The following ITGAV variants were observed in gnomAD, a reference collection of about 807,000 sequenced individuals.
The protein encoded by ITGAV is integrin subunit alpha V.
ITGAV carries 76 observed loss-of-function variants against 143.8 expected under a neutral mutation model. The ratio of observed to expected loss-of-function variants is 0.53; its 90% CI spans 0.44 to 0.64. ITGAV has a LOEUF of 0.64. Ranked by LOEUF, ITGAV falls within the 30% of genes least tolerant of loss-of-function variation. The pLI, the probability that ITGAV is intolerant of heterozygous loss-of-function variation, is 0.00. For synonymous variants in ITGAV, 453 were observed against 446.7 expected, an observed-to-expected ratio of 1.01 and a Z score of -0.18; for missense variants, 1,193 against 1,274.7, an observed-to-expected ratio of 0.94 and a Z score of 0.98.
chr2:186,613,551 A>G (rs1422210560), intron 2 of ITGAV, among the ~76,000 whole-genome samples: 1 of 152,034 alleles, frequency 6.6e-6, no homozygotes, highest in Non-Finnish European at 1.5e-5. Flanking sequence ...ATGTCCATGG[A>G]TTATGGTTGC....
chr2:186,630,658 T>C, intron 4 of ITGAV, 139 bp from the exon 5 acceptor site: 1 of 582,636 alleles, frequency 1.7e-6, no homozygotes. Context: ...AATGTGGTAA[T>C]AACTAAGTGC....
In ITGAV at chr2:186,590,534, G is replaced by A; in HGVS notation, c.185+11G>A. On this transcript the variant is annotated intron_variant, in intron 1 of 29. Transcript: ENST00000261023. The stretch of plus-strand genomic sequence containing the variant: ...GCCCAGCGCGTCTTCGTAAGTGGCC[G>A]CACTTGGAACTGGAGCCGGCCCCCT... The A allele has an allele frequency of 1.2e-6, 2 of 1,608,670 alleles. No homozygotes were observed. The highest frequency in any genetic ancestry group is 1.7e-6 in the Non-Finnish European group (2 of 1,177,988).
At chr2:186,616,560 G>A (rs1188251384) in intron 2 of ITGAV, among the ~76,000 whole-genome samples, 2 of 152,116 alleles carry the variant, frequency 1.3e-5, no homozygotes, top group East Asian at 1.9e-4. Flanking sequence ...TTACAGGCGC[G>A]AGCCACCGCG....
At chr2:186,647,844 A>G (rs1044420933) in intron 13 of ITGAV, among the ~76,000 whole-genome samples, 12 of 152,200 alleles carry the variant, frequency 7.9e-5, no homozygotes, top group Non-Finnish European at 1.0e-4. Context: ...TATGAGCTCA[A>G]TATACAAGTG....
intron 15 of ITGAV, among the ~76,000 whole-genome samples, chr2:186,652,582 G>C (rs1335056679): frequency 6.6e-6 from 1 of 152,066 alleles, no homozygotes; most frequent in Non-Finnish European, 1.5e-5. Flanking sequence ...CTATAAATTA[G>C]TATGAAATTA....
rs1006679053 is a variant in ITGAV at position 186,679,520 on chromosome 2, C to G, written c.*2228C>G. 6.6e-6 allele frequency: 1 copy of G among 151,514 alleles called. No individual in the cohort carries two copies. The highest frequency in any genetic ancestry group is 1.9e-4 in the East Asian group (1 of 5,186). The allele number at this position is 151,514 out of a possible 1,614,324, so 9.4% of individuals were successfully genotyped here. ...ATTTTTTTTTATCATGATTAAATAT[C>G]AAAAAATTGCCCTATGAAAACTTTA... On this transcript the variant is annotated 3_prime_UTR_variant, in exon 30 of 30. Transcript: ENST00000261023.
rs1355284854 is a variant in ITGAV at position 186,630,965 on chromosome 2, T to C, written c.585+107T>C. The stretch of plus-strand genomic sequence containing the variant: ...TCAACTCCTTTACAGCTGTTAGCTC[T>C]TTAATGAAAACAGTTAATAAAACGA... On this transcript the variant is annotated intron_variant, in intron 5 of 29. Transcript: ENST00000261023. 8.8e-6 allele frequency: 5 copies of C among 565,908 alleles called. No homozygotes were observed. The East Asian group carries it at 1.1e-4, about 12-fold the overall frequency. The allele number at this position is 565,908 out of a possible 1,614,324, so 35.1% of individuals were successfully genotyped here.
chr2:186,633,440 T>C, intron 6 of ITGAV, 66 bp downstream of exon 6: 1 of 834,862 alleles, frequency 1.2e-6, no homozygotes, highest in Non-Finnish European at 2.0e-6. Flanking sequence ...GCTAATTGTA[T>C]GCCTATGACA....
intron 1 of ITGAV, among the ~76,000 whole-genome samples, chr2:186,591,735 T>A (rs971586992): frequency 9.2e-5 from 14 of 152,216 alleles, no homozygotes; most frequent in African/African-American, 3.4e-4. Flanking sequence ...GGTAACAACC[T>A]TTGCAGCAAT....
chr2:186,670,563 A>T (rs931139329), intron 26 of ITGAV, among the ~76,000 whole-genome samples: 11 of 152,156 alleles, frequency 7.2e-5, no homozygotes, highest in Non-Finnish European at 1.5e-4. Flanking sequence ...AGCCTCCTAA[A>T]GTGCTGGGAT....
intron 20 of ITGAV, among the ~76,000 whole-genome samples, chr2:186,664,853 C>T (rs536333372): frequency 6.6e-6 from 1 of 152,092 alleles, no homozygotes; most frequent in Non-Finnish European, 1.5e-5. Flanking sequence ...AAGCTAAGTG[C>T]CTGGAAACAA....
intron 14 of ITGAV, among the ~76,000 whole-genome samples, chr2:186,650,481 T>C (rs947218249): frequency 1.3e-5 from 2 of 152,020 alleles, no homozygotes; most frequent in Non-Finnish European, 2.9e-5. Flanking sequence ...ATTACTGTTA[T>C]GAGCCACTGT....
At chr2:186,617,097 C>T (rs1055141629) in intron 2 of ITGAV, among the ~76,000 whole-genome samples, 3 of 150,782 alleles carry the variant, frequency 2.0e-5, no homozygotes, top group Non-Finnish European at 4.4e-5. Flanking sequence ...TCATAAAAGT[C>T]ATAGTGATAA....
intron 23 of ITGAV, 125 bp downstream of exon 23, chr2:186,667,355 G>A: frequency 3.0e-6 from 2 of 666,302 alleles, no homozygotes; most frequent in South Asian, 4.3e-5. Flanking sequence ...TAGGGCATTA[G>A]CTTCTGTAGA....
chr2:186,613,317 G>T (rs573914843), intron 2 of ITGAV, among the ~76,000 whole-genome samples: 45 of 152,186 alleles, frequency 3.0e-4, no homozygotes, highest in African/African-American at 9.4e-4. Flanking sequence ...CAGGACCACT[G>T]GAATTGCTCA....
intron 2 of ITGAV, among the ~76,000 whole-genome samples, chr2:186,603,530 G>T (rs903660308): frequency 2.0e-5 from 3 of 151,936 alleles, no homozygotes; most frequent in Non-Finnish European, 2.9e-5. Context: ...CTAATACTTG[G>T]AAAACTCCAA....
Position 186,653,135 on chromosome 2 carries a change from C to T in ITGAV, c.1505+1046C>T, listed in dbSNP as rs569408747. On this transcript the variant is annotated intron_variant, in intron 15 of 29. Coordinates refer to ENST00000261023, the MANE Select transcript of ITGAV (RefSeq NM_002210.5). ...TAATTTTTTGTATTTTTAGTAGAGA[C>T]GGGGTTTCACCTTGTTAGCCAGGAT... Among the ~76,000 whole-genome samples the T allele has an allele frequency of 1.4e-4, 22 of 151,818 alleles. 1 individual carries two copies. Among genetic ancestry groups the T allele is most frequent in the Middle Eastern group, 3.4e-3 (1 of 294 alleles).
intron 4 of ITGAV, among the ~76,000 whole-genome samples, chr2:186,626,398 G>A (rs1437115194): frequency 6.6e-6 from 1 of 152,148 alleles, no homozygotes; most frequent in East Asian, 1.9e-4. Context: ...CCTTGTACCA[G>A]AAGCATAAAA....
chr2:186,593,883 CTG>C (rs1686679049), intron 1 of ITGAV, among the ~76,000 whole-genome samples: 1 of 152,114 alleles, frequency 6.6e-6, no homozygotes, highest in Non-Finnish European at 1.5e-5. Context: ...AAGAAAATAA[CTG>C]AACAATTTTA....
Sources: allele counts gnomAD v4.1 joint callset (sites outside exome capture counted in the v4.1 genomes callset), GRCh38; gene constraint gnomAD v4.1.1; transcripts MANE v1.5; gene names NCBI Gene and HGNC (gene_info 2026-07-23, HGNC 2026-07-21).